The following ZDHHC14 variants were observed in gnomAD, a reference collection of about 807,000 sequenced individuals.
ZDHHC14 encodes the protein zDHHC palmitoyltransferase 14.
In ZDHHC14, 16 loss-of-function variants were observed where a neutral mutation model predicts 47.7. The ratio of observed to expected loss-of-function variants is 0.34; its 90% CI spans 0.23 to 0.51. ZDHHC14 has a LOEUF of 0.51. Ranked by LOEUF, ZDHHC14 falls within the 20% of genes least tolerant of loss-of-function variation. The pLI is 0.97. For missense variants in ZDHHC14, 515 were observed against 662.5 expected (o/e 0.78, Z 2.44); for synonymous variants, 293 against 278.9 (o/e 1.05, Z -0.50).
chr6:157,489,979 C>G (rs1457520214), intron 1 of ZDHHC14, among the ~76,000 whole-genome samples: 1 of 152,028 alleles, frequency 6.6e-6, no homozygotes, highest in Non-Finnish European at 1.5e-5. Context: ...AGAGAGAGGA[C>G]AGTCATGGGG....
At chr6:157,577,074 C>G (rs1783336492) in intron 2 of ZDHHC14, among the ~76,000 whole-genome samples, 1 of 152,088 alleles carries the variant, frequency 6.6e-6, no homozygotes, top group South Asian at 2.1e-4. Flanking sequence ...TCTGTGTGTT[C>G]TCATCATTTA....
chr6:157,426,663 C>T (rs754807596), intron 1 of ZDHHC14, among the ~76,000 whole-genome samples: 1 of 152,014 alleles, frequency 6.6e-6, no homozygotes, highest in East Asian at 1.9e-4. Context: ...GTGGAAGAGC[C>T]GATCAGAAGG....
chr6:157,391,375 G>T (rs1383631197), intron 1 of ZDHHC14, among the ~76,000 whole-genome samples: 1 of 152,122 alleles, frequency 6.6e-6, no homozygotes, highest in African/African-American at 2.4e-5. Context: ...TGAAGGCCTG[G>T]AGTACCTCAG....
At chr6:157,453,591 A>C (rs1319213275) in intron 1 of ZDHHC14, among the ~76,000 whole-genome samples, 1 of 152,220 alleles carries the variant, frequency 6.6e-6, no homozygotes, top group African/African-American at 2.4e-5. Flanking sequence ...TCATTCATAC[A>C]GTGAATGTTT....
At chr6:157,490,972 C>T (rs1779899704) in intron 1 of ZDHHC14, among the ~76,000 whole-genome samples, 1 of 151,002 alleles carries the variant, frequency 6.6e-6, no homozygotes, top group Non-Finnish European at 1.5e-5. Context: ...AGTGGGGGCG[C>T]AGAGGAGAGG....
At chr6:157,516,217 A>G (rs1254387162) in intron 1 of ZDHHC14, among the ~76,000 whole-genome samples, 1 of 152,214 alleles carries the variant, frequency 6.6e-6, no homozygotes, top group Non-Finnish European at 1.5e-5. Context: ...CCTCCATGAT[A>G]TTAATATGTA....
intron 1 of ZDHHC14, among the ~76,000 whole-genome samples, chr6:157,493,934 C>G (rs1250260456): frequency 6.6e-6 from 1 of 152,240 alleles, no homozygotes; most frequent in Admixed American, 6.5e-5. Context: ...CAGCTCAGCT[C>G]AAGGCCACAC....
intron 2 of ZDHHC14, among the ~76,000 whole-genome samples, chr6:157,558,545 T>C (rs182141819): frequency 1.3e-5 from 2 of 152,262 alleles, no homozygotes; most frequent in African/African-American, 4.8e-5. Context: ...AGAGGAGGAA[T>C]TTCTAATATA....
rs765057323 is a variant in ZDHHC14, at chr6:157,647,380, G to A, written c.965+12G>A. ...CCCATCTCACCAAGGTAAGACTCAGGACGCATCGTGCTCTTCAACAGACCT... is the reference window on the plus strand; with the variant it reads ...CCCATCTCACCAAGGTAAGACTCAGAACGCATCGTGCTCTTCAACAGACCT... On this transcript the variant is annotated intron_variant, in intron 7 of 8. Transcript: ENST00000359775. 8.7e-6 allele frequency: 14 copies of A among 1,601,610 alleles called. No homozygotes were observed. The highest frequency in any genetic ancestry group is 1.1e-5 in the Non-Finnish European group (13 of 1,170,824).
intron 1 of ZDHHC14, among the ~76,000 whole-genome samples, chr6:157,509,586 C>T (rs375179816): frequency 3.3e-5 from 5 of 152,270 alleles, no homozygotes; most frequent in Admixed American, 2.0e-4. Context: ...CTCTGTTACT[C>T]GCCAAGATGC....
Position 157,674,064 on chromosome 6 carries a change from G to A in ZDHHC14, c.*942G>A, listed in dbSNP as rs1366094559. On this transcript the variant is annotated 3_prime_UTR_variant, in exon 9 of 9. Coordinates refer to ENST00000359775, the MANE Select transcript of ZDHHC14 (RefSeq NM_024630.3). ...CCAGACAACCAAAAGTCAAATCTTT[G>A]AACTGGGAGATATTTATAGAATAAT... 6.6e-6 allele frequency: 1 copy of A among 152,602 alleles called. No individual in the cohort carries two copies. Among genetic ancestry groups the A allele is most frequent in the Non-Finnish European group, 1.5e-5 (1 of 68,030 alleles). The allele number at this position is 152,602 out of a possible 1,614,324, so 9.5% of individuals were successfully genotyped here.
chr6:157,430,205 A>G (rs1175784747), intron 1 of ZDHHC14, among the ~76,000 whole-genome samples: 3 of 150,982 alleles, frequency 2.0e-5, no homozygotes, highest in Non-Finnish European at 4.4e-5. Flanking sequence ...AGTTCCAGCT[A>G]CTCGGGAGGC....
At chr6:157,416,275 C>T (rs1386381287) in intron 1 of ZDHHC14, among the ~76,000 whole-genome samples, 1 of 152,118 alleles carries the variant, frequency 6.6e-6, no homozygotes, top group East Asian at 1.9e-4. Flanking sequence ...AATTTCTAGG[C>T]AGTGATTTTT....
chr6:157,510,405 C>G (rs1262113758), intron 1 of ZDHHC14, among the ~76,000 whole-genome samples: 2 of 152,222 alleles, frequency 1.3e-5, no homozygotes, highest in Non-Finnish European at 2.9e-5. Context: ...ACAGGCCCCT[C>G]TGCAGGCAGC....
chr6:157,649,070 G>C (rs1178888188), intron 7 of ZDHHC14, among the ~76,000 whole-genome samples: 1 of 152,210 alleles, frequency 6.6e-6, no homozygotes, highest in African/African-American at 2.4e-5. Flanking sequence ...TGCTGTTTTG[G>C]CTGGATTGGG....
chr6:157,579,203 T>G (rs982371720), intron 2 of ZDHHC14, among the ~76,000 whole-genome samples: 4 of 128,086 alleles, frequency 3.1e-5, no homozygotes, highest in Non-Finnish European at 6.4e-5. Context: ...TTTTTTTTTT[T>G]TTTTTTTTTT....
intron 3 of ZDHHC14, among the ~76,000 whole-genome samples, chr6:157,618,624 A>T (rs951672091): frequency 1.3e-5 from 2 of 152,134 alleles, no homozygotes; most frequent in African/African-American, 4.8e-5. Context: ...GCCCGGCCAC[A>T]TGACGGATTT....
At chr6:157,484,481 T>C (rs113654947) in intron 1 of ZDHHC14, among the ~76,000 whole-genome samples, 2 of 146,260 alleles carry the variant, frequency 1.4e-5, no homozygotes, top group South Asian at 2.1e-4. Flanking sequence ...TATTTATATA[T>C]ACACACACAA....
intron 5 of ZDHHC14, among the ~76,000 whole-genome samples, chr6:157,644,849 A>G (rs544819340): frequency 1.3e-5 from 2 of 152,334 alleles, no homozygotes; most frequent in African/African-American, 4.8e-5. Context: ...TGTATCCTGT[A>G]AATAGAATGT....
Sources: allele counts gnomAD v4.1 joint callset (sites outside exome capture counted in the v4.1 genomes callset), GRCh38; gene constraint gnomAD v4.1.1; transcripts MANE v1.5; gene names NCBI Gene and HGNC (gene_info 2026-07-23, HGNC 2026-07-21).